MARCHF1: variants seen among roughly 807,000 people sequenced by gnomAD.
MARCHF1 encodes the protein membrane associated ring-CH-type finger 1, also known as E3 ubiquitin-protein ligase MARCHF1.
A neutral mutation model predicts 54.2 loss-of-function variants in MARCHF1; 40 were observed. The observed-to-expected ratio is 0.74, with a 90% CI of 0.57 to 0.96. MARCHF1 has a LOEUF of 0.96. Among genes scored for constraint, MARCHF1 ranks in the 40% least tolerant of loss-of-function variants. The pLI is 0.00. For missense variants in MARCHF1, 586 were observed against 656.5 expected, an observed-to-expected ratio of 0.89 and a Z score of 1.17; for synonymous variants, 236 against 236.3, an observed-to-expected ratio of 1.00 and a Z score of 0.01.
intron 5 of MARCHF1, among the ~76,000 whole-genome samples, chr4:163,618,981 A>T (rs7677367): frequency 6.6e-6 from 1 of 151,820 alleles, no homozygotes; most frequent in African/African-American, 2.4e-5. Flanking sequence ...TGACTCAAGT[A>T]GGGGATGGCA....
At position 164,319,892 on chromosome 4, in the gene MARCHF1, C is replaced by CAAATGTAAAATGTA. The variant is rs1033652908; in HGVS notation, c.-323+63977_-323+63978insTACATTTTACATTT. On this transcript the variant is annotated intron_variant, in intron 1 of 9. Coordinates refer to ENST00000514618, the MANE Select transcript of MARCHF1 (RefSeq NM_001394959.1). Reference sequence around the variant, plus strand: ...AATAACCACAGAGAATGGCAGAGAACAAATGTAAAATGAGCAACATAATAA... The same window carrying CAAATGTAAAATGTA: ...AATAACCACAGAGAATGGCAGAGAACAAATGTAAAATGTAAAATGTAAAATGAGCAACATAATAA... Among the ~76,000 whole-genome samples the CAAATGTAAAATGTA allele has an allele frequency of 2.0e-5, 3 of 152,046 alleles. No homozygotes were observed. In the South Asian group the frequency reaches 6.2e-4, roughly 32 times the overall value.
chr4:163,874,882 C>T (rs1007936251), intron 3 of MARCHF1, among the ~76,000 whole-genome samples: 8 of 152,008 alleles, frequency 5.3e-5, no homozygotes, highest in African/African-American at 1.4e-4. Context: ...ATATTTTGTC[C>T]TCTTTTAGGC....
At chr4:163,808,868 C>T (rs1165401726) in intron 4 of MARCHF1, among the ~76,000 whole-genome samples, 1 of 152,114 alleles carries the variant, frequency 6.6e-6, no homozygotes. Context: ...CGTGCCCGGC[C>T]TGGAAATGCA....
chr4:164,231,368 A>G (rs1382041975), intron 1 of MARCHF1, among the ~76,000 whole-genome samples: 1 of 152,064 alleles, frequency 6.6e-6, no homozygotes, highest in Non-Finnish European at 1.5e-5. Flanking sequence ...TTATTTTTTT[A>G]TGGCATGCTA....
chr4:163,963,586 T>C (rs3967462), intron 3 of MARCHF1, among the ~76,000 whole-genome samples: 8,645 of 152,000 alleles, frequency 0.057, 484 homozygotes, highest in East Asian at 0.19. Context: ...GATGGTCCTA[T>C]GATAAACCAT....
At chr4:163,902,215 C>A (rs1349550337) in intron 3 of MARCHF1, among the ~76,000 whole-genome samples, 1 of 152,150 alleles carries the variant, frequency 6.6e-6, no homozygotes, top group African/African-American at 2.4e-5. Flanking sequence ...ACCTTTAGAT[C>A]CCACAGGGGT....
At chr4:163,686,252 A>T (rs1259431213) in intron 5 of MARCHF1, among the ~76,000 whole-genome samples, 1 of 151,982 alleles carries the variant, frequency 6.6e-6, no homozygotes, top group African/African-American at 2.4e-5. Flanking sequence ...TTTACCTCAG[A>T]TATAATAAAA....
At chr4:163,538,334 T>C (rs1430466765) in intron 9 of MARCHF1, among the ~76,000 whole-genome samples, 2 of 152,000 alleles carry the variant, frequency 1.3e-5, no homozygotes, top group African/African-American at 4.8e-5. Flanking sequence ...ATAAATTTTT[T>C]TTTTTCACAC....
chr4:164,230,847 G>A (rs1002842889), intron 1 of MARCHF1, among the ~76,000 whole-genome samples: 2 of 152,058 alleles, frequency 1.3e-5, no homozygotes, highest in Non-Finnish European at 2.9e-5. Context: ...AAAGAGTTAG[G>A]ATGTGTATTT....
intron 8 of MARCHF1, among the ~76,000 whole-genome samples, chr4:163,582,155 T>A (rs1426498962): frequency 6.6e-6 from 1 of 152,208 alleles, no homozygotes; most frequent in African/African-American, 2.4e-5. Flanking sequence ...TCCTAGTTGA[T>A]CTTGAGTGCA....
intron 4 of MARCHF1, among the ~76,000 whole-genome samples, chr4:163,711,018 C>A (rs549239861): frequency 6.6e-6 from 1 of 151,952 alleles, no homozygotes; most frequent in Non-Finnish European, 1.5e-5. Flanking sequence ...GAACAAAAAA[C>A]TTGCCACACC....
Position 163,612,260 on chromosome 4 carries a change from C to T in MARCHF1, c.1010+11G>A. 1 of 1,475,436 alleles carries T rather than the reference C, an allele frequency of 6.8e-7. No individual in the cohort carries two copies. The highest frequency in any genetic ancestry group is 8.9e-7 in the Non-Finnish European group (1 of 1,122,902). 91.4% of individuals were successfully genotyped at this position (1,475,436 alleles called of 1,614,324 possible). A position where few individuals can be genotyped will look rare whatever the true frequency, so the allele number is the denominator to read the frequency against. On this transcript the variant is annotated intron_variant, in intron 7 of 9. Coordinates refer to ENST00000514618, the MANE Select transcript of MARCHF1 (RefSeq NM_001394959.1). The stretch of plus-strand genomic sequence containing the variant: ...ATGGATGACATCAAGCCTTTCTCTA[C>T]AGTGACTGACCTGCATACTTCTAAA...
At chr4:163,965,836 A>G (rs1280866782) in intron 3 of MARCHF1, among the ~76,000 whole-genome samples, 1 of 152,102 alleles carries the variant, frequency 6.6e-6, no homozygotes, top group African/African-American at 2.4e-5. Context: ...TGTAACACAG[A>G]TCGTGATAGG....
chr4:164,350,138 G>A (rs919516059), intron 1 of MARCHF1, among the ~76,000 whole-genome samples: 1 of 152,124 alleles, frequency 6.6e-6, no homozygotes, highest in South Asian at 2.1e-4. Context: ...TCCAAGAAAA[G>A]AAAAAGATGC....
At chr4:164,278,807 A>T (rs1733950300) in intron 1 of MARCHF1, among the ~76,000 whole-genome samples, 2 of 152,218 alleles carry the variant, frequency 1.3e-5, no homozygotes. Flanking sequence ...TTTGGTTTAC[A>T]AACATTAGAA....
intron 1 of MARCHF1, among the ~76,000 whole-genome samples, chr4:164,166,223 C>T (rs1430997): frequency 0.38 from 57,414 of 151,726 alleles, 12,312 homozygotes; most frequent in Non-Finnish European, 0.49. Flanking sequence ...TTTCTTCATG[C>T]CTTTTCCACT....
intron 3 of MARCHF1, among the ~76,000 whole-genome samples, chr4:163,974,500 G>A (rs745813385): frequency 6.6e-6 from 1 of 152,142 alleles, no homozygotes; most frequent in Non-Finnish European, 1.5e-5. Context: ...TCCAACCTTT[G>A]AATCTTTCCA....
chr4:164,374,041 G>C (rs1731114741), intron 1 of MARCHF1, among the ~76,000 whole-genome samples: 1 of 152,138 alleles, frequency 6.6e-6, no homozygotes, highest in African/African-American at 2.4e-5. Flanking sequence ...CAATTTATCA[G>C]CATAAGTTCT....
At chr4:164,192,676 T>C (rs545813477) in intron 1 of MARCHF1, among the ~76,000 whole-genome samples, 2 of 152,342 alleles carry the variant, frequency 1.3e-5, no homozygotes, top group Admixed American at 1.3e-4. Flanking sequence ...GTAGTAATAT[T>C]GGATTTCTTC....
Sources: allele counts gnomAD v4.1 joint callset (sites outside exome capture counted in the v4.1 genomes callset), GRCh38; gene constraint gnomAD v4.1.1; transcripts MANE v1.5; gene names NCBI Gene and HGNC (gene_info 2026-07-23, HGNC 2026-07-21).